Variants in PAG1 observed in about 807,000 individuals in gnomAD.
The protein encoded by PAG1 is phosphoprotein membrane anchor with glycosphingolipid microdomains 1, also known as phosphoprotein associated with glycosphingolipid-enriched microdomains 1.
Under a neutral mutation model 31.7 loss-of-function variants are expected in PAG1, and 23 were observed. That is an observed-to-expected ratio of 0.73 (90% CI 0.52 to 1.03). PAG1 has a LOEUF of 1.03. PAG1 is among the 50% of genes least tolerant of loss of function. The pLI, the probability that PAG1 is intolerant of heterozygous loss-of-function variation, is 0.00. For missense variants in PAG1, 473 were observed against 540.7 expected (o/e 0.87, Z 1.24); for synonymous variants, 214 against 210.3 (o/e 1.02, Z -0.15).
intron 2 of PAG1, among the ~76,000 whole-genome samples, chr8:81,061,148 G>T (rs1808911426): frequency 6.6e-6 from 1 of 152,186 alleles, no homozygotes; most frequent in Admixed American, 6.5e-5. Context: ...TGGAAGTCGG[G>T]GGATGAGAAG....
intron 1 of PAG1, among the ~76,000 whole-genome samples, chr8:81,085,372 C>T (rs749008890): frequency 2.0e-5 from 3 of 152,112 alleles, no homozygotes; most frequent in Non-Finnish European, 4.4e-5. Context: ...AAAAAGCACC[C>T]TAGAAAGAAA....
At chr8:81,101,490 A>G (rs771457895) in intron 1 of PAG1, among the ~76,000 whole-genome samples, 8 of 152,204 alleles carry the variant, frequency 5.3e-5, no homozygotes, top group Admixed American at 2.6e-4. Flanking sequence ...ACACCATTCT[A>G]GTTTTCAGCC....
At chr8:81,103,536 GC>G (rs1181572866) in intron 1 of PAG1, among the ~76,000 whole-genome samples, 1 of 152,062 alleles carries the variant, frequency 6.6e-6, no homozygotes, top group Non-Finnish European at 1.5e-5. Context: ...GGACTGAAAG[GC>G]ATAATATTTA....
chr8:81,070,769 C>CTTAAA (rs1809080106), intron 1 of PAG1, among the ~76,000 whole-genome samples: 1 of 152,034 alleles, frequency 6.6e-6, no homozygotes, highest in Admixed American at 6.5e-5. Flanking sequence ...AACATGGCTT[C>CTTAAA]TTATGCTTAA....
chr8:80,976,400 G>A lies in PAG1; in HGVS notation c.*144C>T. 1 of 790,512 alleles carries A rather than the reference G, an allele frequency of 1.3e-6. No homozygotes were observed. Among genetic ancestry groups the A allele is most frequent in the Non-Finnish European group, 2.0e-6 (1 of 503,558 alleles). 49.0% of individuals were successfully genotyped at this position (790,512 alleles called of 1,614,324 possible). On this transcript the variant is annotated 3_prime_UTR_variant, in exon 9 of 9. Coordinates refer to ENST00000220597, the MANE Select transcript of PAG1 (RefSeq NM_018440.4). ...TCTGTCTCAGAAACTGAACAACTGG[G>A]AGAACAGTCGACAGGGCCTCTCCAA...
At chr8:80,993,334 A>G in intron 3 of PAG1, 27 bp from the exon 4 acceptor site, 2 of 1,181,748 alleles carry the variant, frequency 1.7e-6, no homozygotes, top group South Asian at 1.7e-5. Flanking sequence ...GCGTTTGGAG[A>G]GTAATTCTCG....
At chr8:80,991,948 T>C (rs1243595574) in intron 4 of PAG1, among the ~76,000 whole-genome samples, 2 of 152,088 alleles carry the variant, frequency 1.3e-5, no homozygotes, top group African/African-American at 4.8e-5. Context: ...ATACAGATTT[T>C]TGGCACGCCA....
intron 1 of PAG1, among the ~76,000 whole-genome samples, chr8:81,110,513 A>C (rs184780149): frequency 1.3e-5 from 2 of 152,344 alleles, no homozygotes; most frequent in Admixed American, 6.5e-5. Flanking sequence ...CCTTCAAAGT[A>C]GGGCACTGCA....
chr8:81,024,194 C>A (rs1195229216), intron 3 of PAG1, among the ~76,000 whole-genome samples: 1 of 152,092 alleles, frequency 6.6e-6, no homozygotes, highest in Non-Finnish European at 1.5e-5. Flanking sequence ...AGGTTTGAAC[C>A]TTTACCACCC....
At position 80,968,319 on chromosome 8, in the gene PAG1, A is replaced by G. The variant is rs1807006913; in HGVS notation, c.*8225T>C. The G allele has an allele frequency of 6.6e-6, 1 of 152,206 alleles. No homozygotes were observed. The allele number at this position is 152,206 out of a possible 1,614,324, so 9.4% of individuals were successfully genotyped here. A position where few individuals can be genotyped will look rare whatever the true frequency, so the allele number is the denominator to read the frequency against. ...GTTAGTATCATTATCCCCATTTTGTATATGGAGAAACTGAGGCACAGAGAA... is the reference window on the plus strand; with the variant it reads ...GTTAGTATCATTATCCCCATTTTGTGTATGGAGAAACTGAGGCACAGAGAA... On this transcript the variant is annotated 3_prime_UTR_variant, in exon 9 of 9. Transcript: ENST00000220597.
intron 3 of PAG1, among the ~76,000 whole-genome samples, chr8:81,012,843 C>T (rs1808007902): frequency 6.6e-6 from 1 of 152,202 alleles, no homozygotes; most frequent in African/African-American, 2.4e-5. Flanking sequence ...TGGGCACTAG[C>T]TAGAAAGTCT....
At chr8:81,075,457 GAAAT>G (rs1374291517) in intron 1 of PAG1, among the ~76,000 whole-genome samples, 8 of 152,200 alleles carry the variant, frequency 5.3e-5, no homozygotes, top group Non-Finnish European at 1.0e-4. Flanking sequence ...ACTTGCATGT[GAAAT>G]AATTAAGAAT....
In PAG1 at chr8:81,097,711, A is replaced by T. The variant is rs200810615; in HGVS notation, c.-234+13880T>A. Among the ~76,000 whole-genome samples, 130 of 33,600 alleles carry T rather than the reference A, an allele frequency of 3.9e-3. 3 individuals carry two copies. In the East Asian group the frequency reaches 0.22, roughly 57 times the overall value. 22.0% of individuals were successfully genotyped at this position (33,600 alleles called of 152,430 possible). A position where few individuals can be genotyped will look rare whatever the true frequency, so the allele number is the denominator to read the frequency against. On this transcript the variant is annotated intron_variant, in intron 1 of 8. Transcript: ENST00000220597. ...CACAGTTGAATCAATTAAGAACTTT[A>T]AAAAAAAAAAAAAAGAAGTAATAAA...
chr8:81,079,061 A>ACAATAT (rs1809222544), intron 1 of PAG1, among the ~76,000 whole-genome samples: 1 of 152,152 alleles, frequency 6.6e-6, no homozygotes, highest in Non-Finnish European at 1.5e-5. Context: ...CCAGGACTCA[A>ACAATAT]CCTTTGCAGG....
At chr8:81,099,606 T>C (rs1809579542) in intron 1 of PAG1, among the ~76,000 whole-genome samples, 1 of 152,240 alleles carries the variant, frequency 6.6e-6, no homozygotes, top group Non-Finnish European at 1.5e-5. Context: ...TAAATATTAA[T>C]ATCTCAAATG....
At chr8:81,105,677 A>C (rs961271108) in intron 1 of PAG1, among the ~76,000 whole-genome samples, 4 of 152,220 alleles carry the variant, frequency 2.6e-5, no homozygotes, top group African/African-American at 9.6e-5. Flanking sequence ...GTTCCACCAC[A>C]ATGGGCATGA....
chr8:81,079,326 T>G (rs184799732), intron 1 of PAG1, among the ~76,000 whole-genome samples: 22 of 152,076 alleles, frequency 1.4e-4, no homozygotes, highest in African/African-American at 5.1e-4. Context: ...ACTCCTCGAC[T>G]GGAAAAAAAC....
intron 2 of PAG1, among the ~76,000 whole-genome samples, chr8:81,059,284 T>TC (rs1808879632): frequency 6.6e-6 from 1 of 151,762 alleles, no homozygotes; most frequent in East Asian, 1.9e-4. Context: ...CTTTTTTTTT[T>TC]TTTCTTTGAA....
intron 1 of PAG1, among the ~76,000 whole-genome samples, chr8:81,077,313 G>A (rs1809194744): frequency 1.3e-5 from 2 of 152,184 alleles, no homozygotes; most frequent in South Asian, 2.1e-4. Flanking sequence ...TGATTTGTAA[G>A]CCCTTCCACA....
Sources: gnomAD v4.1 joint callset for allele counts (sites outside exome capture counted in the v4.1 genomes callset) on GRCh38, gnomAD v4.1.1 for gene constraint, MANE v1.5 for transcripts, NCBI Gene and HGNC (gene_info 2026-07-23, HGNC 2026-07-21) for gene names.